BCAR3: variants seen among roughly 807,000 people sequenced by gnomAD.
BCAR3 encodes the protein breast cancer anti-estrogen resistance protein 3.
BCAR3 carries 37 observed loss-of-function variants against 80.1 expected under a neutral mutation model. The observed-to-expected ratio is 0.46, with a 90% CI of 0.36 to 0.61. The LOEUF is 0.61. BCAR3 is among the 20% of genes least tolerant of loss of function. The pLI, the probability that BCAR3 is intolerant of heterozygous loss-of-function variation, is 0.00. For synonymous variants in BCAR3, 389 were observed against 418.9 expected (o/e 0.93, Z 0.87); for missense variants, 978 against 1,068.2 (o/e 0.92, Z 1.18).
chr1:93,730,174 C>G (rs1045926670), intron 2 of BCAR3, among the ~76,000 whole-genome samples: 1 of 152,164 alleles, frequency 6.6e-6, no homozygotes, highest in African/African-American at 2.4e-5. Flanking sequence ...TTATTCTCGC[C>G]TGGTGAGCTT....
At chr1:93,845,502 A>ATATATATATTGTCAAG in intron 2 of BCAR3, 8 of 113,808 alleles carry the variant, frequency 7.0e-5, no homozygotes, top group African/African-American at 2.1e-4. Flanking sequence ...ATATATATAT[A>ATATATATATTGTCAAG]AAACTTTGTT....
upstream of BCAR3, among the ~76,000 whole-genome samples, chr1:93,685,400 CT>C (rs1206727177): frequency 6.6e-6 from 1 of 151,924 alleles, no homozygotes; most frequent in African/African-American, 2.4e-5. Context: ...TTATTACCCC[CT>C]CCCTACACAA....
At chr1:93,753,543 TACACACAC>T (rs5776188) in intron 2 of BCAR3, 15,029 of 137,504 alleles carry the variant, frequency 0.11, 890 homozygotes, top group Middle Eastern at 0.15. Context: ...TGCACGCGGG[TACACACAC>T]ACACACACAC....
intron 2 of BCAR3, among the ~76,000 whole-genome samples, chr1:93,768,269 TTGTG>T (rs112490025): frequency 7.9e-6 from 1 of 126,734 alleles, no homozygotes; most frequent in African/African-American, 3.2e-5. Flanking sequence ...GTGTGTGTGT[TTGTG>T]TGTGTGTGTG....
chr1:93,576,355 G>T lies in BCAR3; in HGVS notation c.1687-226C>A, dbSNP rs948095181. Among the ~76,000 whole-genome samples, 25 of 152,222 alleles carry T rather than the reference G, an allele frequency of 1.6e-4. 1 individual carries two copies. In the East Asian group the frequency reaches 4.8e-3, roughly 29 times the overall value. ...AGGGGGAAAAGAAAGACTGGTGGGA[G>T]ATGCTGACACTGCTCTGCAGATCTA... is the stretch of plus-strand genomic sequence containing the variant. On this transcript the variant is annotated intron_variant, in intron 7 of 11. Coordinates refer to ENST00000260502, the MANE Select transcript of BCAR3 (RefSeq NM_003567.4).
intron 2 of BCAR3, among the ~76,000 whole-genome samples, chr1:93,713,715 AT>A (rs11431435): frequency 4.0e-5 from 6 of 151,518 alleles, no homozygotes; most frequent in African/African-American, 7.3e-5. Flanking sequence ...CTGAAATGCC[AT>A]TTTTTTTTCT....
At chr1:93,661,581 G>A (rs1408871837) in intron 2 of BCAR3, among the ~76,000 whole-genome samples, 3 of 150,628 alleles carry the variant, frequency 2.0e-5, no homozygotes, top group Non-Finnish European at 4.4e-5. Context: ...TCTGCCTCCC[G>A]AGCTCCAGAG....
intron 9 of BCAR3, chr1:93,571,433 G>A (rs2101807519): frequency 2.2e-6 from 1 of 462,910 alleles, no homozygotes; most frequent in Non-Finnish European, 4.0e-6. Flanking sequence ...GGGAGGTGGA[G>A]GTTGCAGTGA....
intron 2 of BCAR3, among the ~76,000 whole-genome samples, chr1:93,826,883 C>A (rs1313007298): frequency 6.6e-6 from 1 of 151,970 alleles, no homozygotes; most frequent in African/African-American, 2.4e-5. Context: ...CCTGTTCAGG[C>A]TAAGCATGTG....
chr1:93,613,115 C>T (rs113135207), intron 3 of BCAR3, among the ~76,000 whole-genome samples: 4,305 of 152,196 alleles, frequency 0.028, 188 homozygotes, highest in African/African-American at 0.098. Context: ...CAGGAATAAA[C>T]GAGGTCCGCA....
chr1:93,657,230 A>T (rs1647431865), intron 2 of BCAR3, among the ~76,000 whole-genome samples: 1 of 152,212 alleles, frequency 6.6e-6, no homozygotes, highest in Non-Finnish European at 1.5e-5. Context: ...TTGTGTAGAG[A>T]CAATAGGTTT....
intron 2 of BCAR3, among the ~76,000 whole-genome samples, chr1:93,708,524 C>A (rs1649903825): frequency 6.6e-6 from 1 of 152,184 alleles, no homozygotes; most frequent in Non-Finnish European, 1.5e-5. Context: ...TCCATAAGTT[C>A]TCTCCCCAGT....
chr1:93,839,789 C>T (rs547919872), intron 2 of BCAR3, among the ~76,000 whole-genome samples: 4 of 152,252 alleles, frequency 2.6e-5, no homozygotes, highest in South Asian at 4.2e-4. Flanking sequence ...GATTTAAATT[C>T]ATGCTAATAA....
chr1:93,578,885 T>C (rs1673578908), intron 7 of BCAR3, among the ~76,000 whole-genome samples: 1 of 152,172 alleles, frequency 6.6e-6, no homozygotes, highest in Admixed American at 6.5e-5. Flanking sequence ...TATATTATTA[T>C]CTCATTTAGT....
chr1:93,699,040 A>G (rs1382482758), intron 3 of BCAR3, among the ~76,000 whole-genome samples: 2 of 152,170 alleles, frequency 1.3e-5, no homozygotes. Context: ...CAGGGGACCT[A>G]GCTTTTCTGA....
chr1:93,797,315 GTT>G (rs1178727991), intron 2 of BCAR3, among the ~76,000 whole-genome samples: 1 of 152,056 alleles, frequency 6.6e-6, no homozygotes, highest in African/African-American at 2.4e-5. Flanking sequence ...TTCTACTTAG[GTT>G]GGTAAGTATC....
intron 9 of BCAR3, among the ~76,000 whole-genome samples, chr1:93,569,216 A>G (rs1299385262): frequency 6.6e-6 from 1 of 152,232 alleles, no homozygotes; most frequent in Non-Finnish European, 1.5e-5. Context: ...ATTTCATTTA[A>G]TCTTCACAAT....
At chr1:93,653,809 G>T (rs759732202) in intron 2 of BCAR3, among the ~76,000 whole-genome samples, 4 of 152,050 alleles carry the variant, frequency 2.6e-5, no homozygotes, top group Non-Finnish European at 4.4e-5. Context: ...GTGGTGATGC[G>T]AAATGCTCCA....
intron 2 of BCAR3, among the ~76,000 whole-genome samples, chr1:93,646,738 T>A (rs575723074): frequency 2.7e-4 from 41 of 152,190 alleles, no homozygotes; most frequent in African/African-American, 8.2e-4. Context: ...TGTATACCTA[T>A]GAAATATTGT....
Sources: allele counts gnomAD v4.1 joint callset (sites outside exome capture counted in the v4.1 genomes callset), GRCh38; gene constraint gnomAD v4.1.1; transcripts MANE v1.5; gene names NCBI Gene and HGNC (gene_info 2026-07-23, HGNC 2026-07-21).